DCUN1D4: variants seen among roughly 807,000 people sequenced by gnomAD.
DCUN1D4 encodes DCN1-like protein 4.
A neutral mutation model predicts 47.9 loss-of-function variants in DCUN1D4; 22 were observed. The observed-to-expected ratio is 0.46, with a 90% CI of 0.33 to 0.66. The LOEUF (loss-of-function observed/expected upper bound fraction) is 0.66, where lower values mean the gene tolerates loss of function less well. Among genes scored for constraint, DCUN1D4 ranks in the 30% least tolerant of loss-of-function variants. The probability of loss-of-function intolerance (pLI) is 0.02; values close to 1 mark genes in which losing one functional copy is unlikely to be tolerated. For synonymous variants in DCUN1D4, 121 were observed against 112.2 expected (o/e 1.08, Z -0.50); for missense variants, 301 against 340.8 (o/e 0.88, Z 0.92).
At chr4:51,904,180 G>A (rs945403047) in intron 8 of DCUN1D4, among the ~76,000 whole-genome samples, 5 of 152,026 alleles carry the variant, frequency 3.3e-5, no homozygotes, top group African/African-American at 7.2e-5. Flanking sequence ...CCTTTGGAAG[G>A]GCTGTCCAAA....
intron 6 of DCUN1D4, among the ~76,000 whole-genome samples, chr4:51,888,492 G>A (rs370462736): frequency 7.9e-5 from 12 of 152,266 alleles, no homozygotes; most frequent in African/African-American, 2.6e-4. Context: ...TGTAATCCCA[G>A]CACTTTGGGA....
intron 1 of DCUN1D4, among the ~76,000 whole-genome samples, chr4:51,856,711 A>G (rs928938090): frequency 1.3e-5 from 2 of 152,240 alleles, no homozygotes; most frequent in Admixed American, 1.3e-4. Context: ...ACAAAAGAAC[A>G]TGAACCATTG....
intron 1 of DCUN1D4, among the ~76,000 whole-genome samples, chr4:51,857,201 T>C (rs1353042103): frequency 6.6e-6 from 1 of 152,190 alleles, no homozygotes; most frequent in East Asian, 1.9e-4. Context: ...CTTCCTTTTT[T>C]ATTTTTTTTG....
At chr4:51,875,014 T>C (rs1015252136) in intron 4 of DCUN1D4, 3 of 152,218 alleles carry the variant, frequency 2.0e-5, no homozygotes, top group Non-Finnish European at 4.4e-5. Flanking sequence ...ACGAACATCA[T>C]TGTCTAGTCT....
At chr4:51,854,329 G>T (rs1560455902) in intron 1 of DCUN1D4, among the ~76,000 whole-genome samples, 1 of 152,112 alleles carries the variant, frequency 6.6e-6, no homozygotes. Context: ...TATTTGAGAT[G>T]TACCTCATTT....
the DCUN1D4 span, among the ~76,000 whole-genome samples, chr4:51,835,582 A>T: frequency 1.1e-4 from 16 of 152,166 alleles, no homozygotes; most frequent in African/African-American, 3.9e-4. Context: ...AAAGAATAAG[A>T]GAGAAGCTAT....
chr4:51,881,973 G>A (rs1226892756), intron 5 of DCUN1D4, among the ~76,000 whole-genome samples: 1 of 152,152 alleles, frequency 6.6e-6, no homozygotes, highest in Non-Finnish European at 1.5e-5. Context: ...TTTGTGACCA[G>A]CCTGGGCAAT....
chr4:51,865,144 A>T (rs888300806), intron 3 of DCUN1D4: 1 of 215,402 alleles, frequency 4.6e-6, no homozygotes, highest in East Asian at 1.1e-4. Flanking sequence ...TTGTTCACAA[A>T]TGAACTGCAG....
In DCUN1D4 at chr4:51,909,791, T is replaced by TA. The variant is rs1339919453; in HGVS notation, c.616-1278dup. 7.9e-5 allele frequency among the ~76,000 whole-genome samples: 12 copies of TA among 152,338 alleles called. No homozygotes were observed. The East Asian group carries it at 1.4e-3, about 17-fold the overall frequency. On this transcript the variant is annotated intron_variant, in intron 8 of 10. Coordinates refer to ENST00000334635, the MANE Select transcript of DCUN1D4 (RefSeq NM_001040402.3). ...ACCTGGTCTATTCATGGACAGTCGT[T>TA]ACACTTCACAACTGAGACCAAAAGG...
intron 4 of DCUN1D4, among the ~76,000 whole-genome samples, chr4:51,876,611 A>G (rs1027244021): frequency 6.6e-6 from 1 of 152,208 alleles, no homozygotes; most frequent in African/African-American, 2.4e-5. Flanking sequence ...GAACAATACA[A>G]GTTTAAACTG....
chr4:51,835,334 A>C, the DCUN1D4 span, among the ~76,000 whole-genome samples: 2 of 152,166 alleles, frequency 1.3e-5, no homozygotes, highest in African/African-American at 4.8e-5. Flanking sequence ...AAAAATGTCT[A>C]CCTCTTGGGA....
chr4:51,890,214 A>G (rs1401762617), intron 6 of DCUN1D4, among the ~76,000 whole-genome samples: 1 of 152,062 alleles, frequency 6.6e-6, no homozygotes, highest in South Asian at 2.1e-4. Flanking sequence ...TTTAATGGAC[A>G]TGTTGGCTCT....
At chr4:51,849,613 G>T (rs1024905246) in intron 1 of DCUN1D4, among the ~76,000 whole-genome samples, 1 of 152,098 alleles carries the variant, frequency 6.6e-6, no homozygotes, top group East Asian at 1.9e-4. Flanking sequence ...GGACACAGTC[G>T]ATATCAGCTG....
At chr4:51,844,234 C>A in intron 1 of DCUN1D4, 1 of 754,488 alleles carries the variant, frequency 1.3e-6, no homozygotes, top group Non-Finnish European at 1.6e-6. Context: ...TCAGACTGTG[C>A]TTAGGGGAGG....
At chr4:51,834,720 A>G in the DCUN1D4 span, among the ~76,000 whole-genome samples, 1 of 152,160 alleles carries the variant, frequency 6.6e-6, no homozygotes. Flanking sequence ...ACCAAGAGCC[A>G]TGGTCAGAGG....
Position 51,891,876 on chromosome 4 carries a change from G to A in DCUN1D4, c.506+25G>A, listed in dbSNP as rs1473079138. The A allele has an allele frequency of 1.9e-6, 3 of 1,562,668 alleles. No individual in the cohort carries two copies. The African/African-American group carries it at 4.1e-5, about 21-fold the overall frequency. ...AGTAAGTCCTAGGCTGCACTAGTGGGGGTCCCTGCCCTTCCCAGGTGGTTG... is the reference window on the plus strand; with the variant it reads ...AGTAAGTCCTAGGCTGCACTAGTGGAGGTCCCTGCCCTTCCCAGGTGGTTG... On this transcript the variant is annotated intron_variant, in intron 7 of 10. Coordinates refer to ENST00000334635, the MANE Select transcript of DCUN1D4 (RefSeq NM_001040402.3).
intron 3 of DCUN1D4, among the ~76,000 whole-genome samples, chr4:51,871,845 A>G (rs997797153): frequency 2.0e-5 from 3 of 152,140 alleles, no homozygotes; most frequent in African/African-American, 7.2e-5. Flanking sequence ...ACCTTTTAAT[A>G]TGCTTTAGTG....
In DCUN1D4 at chr4:51,866,965, A is replaced by G. The variant is rs117346275; in HGVS notation, c.136+3256A>G. Among the ~76,000 whole-genome samples, 292 of 152,164 alleles carry G rather than the reference A, an allele frequency of 1.9e-3. 12 individuals are homozygous for G. The East Asian group carries it at 0.052, about 27-fold the overall frequency. ...AGGCAGGCTGCACTCAGTTCTCACT[A>G]CTGGCCTGGATCCCACACCTGCCAA... On this transcript the variant is annotated intron_variant, in intron 3 of 10. Coordinates refer to ENST00000334635, the MANE Select transcript of DCUN1D4 (RefSeq NM_001040402.3).
intron 1 of DCUN1D4, among the ~76,000 whole-genome samples, chr4:51,859,490 A>G (rs1724680715): frequency 6.6e-6 from 1 of 151,946 alleles, no homozygotes; most frequent in Non-Finnish European, 1.5e-5. Context: ...TGAACTTACC[A>G]ATAATTGTTT....
Sources: allele counts gnomAD v4.1 joint callset (sites outside exome capture counted in the v4.1 genomes callset), GRCh38; gene constraint gnomAD v4.1.1; transcripts MANE v1.5; gene names NCBI Gene and HGNC (gene_info 2026-07-23, HGNC 2026-07-21).